Variants in CCSER1 observed in about 807,000 individuals in gnomAD.
CCSER1 encodes the protein coiled-coil serine rich protein 1.
CCSER1 carries 41 observed loss-of-function variants against 82.0 expected under a neutral mutation model. The observed-to-expected ratio is 0.50, with a 90% CI of 0.39 to 0.65. The LOEUF is 0.65. Ranked by LOEUF, CCSER1 falls within the 30% of genes least tolerant of loss-of-function variation. The pLI is 0.00. For synonymous variants in CCSER1, 414 were observed against 383.9 expected (o/e 1.08, Z -0.92); for missense variants, 1,119 against 1,064.2 (o/e 1.05, Z -0.72).
chr4:91,404,019 C>G (rs1433350445), intron 10 of CCSER1, among the ~76,000 whole-genome samples: 1 of 152,154 alleles, frequency 6.6e-6, no homozygotes, highest in Non-Finnish European at 1.5e-5. Flanking sequence ...GTGAATCCAT[C>G]TGGTCCTGGA....
At chr4:91,583,067 T>G (rs1244462772) in intron 10 of CCSER1, among the ~76,000 whole-genome samples, 2 of 151,300 alleles carry the variant, frequency 1.3e-5, no homozygotes, top group Non-Finnish European at 3.0e-5. Flanking sequence ...TAACATACAG[T>G]TGGAGCCACT....
chr4:90,551,808 T>G, intron 5 of CCSER1, among the ~76,000 whole-genome samples: 1 of 151,708 alleles, frequency 6.6e-6, no homozygotes, highest in African/African-American at 2.4e-5. Context: ...TTATTTTCCC[T>G]TTGTCTTAGT....
At chr4:91,223,263 G>C (rs1346940888) in intron 10 of CCSER1, among the ~76,000 whole-genome samples, 4 of 151,876 alleles carry the variant, frequency 2.6e-5, no homozygotes, top group Admixed American at 2.0e-4. Context: ...TATTTGTTTA[G>C]AAATCAAATA....
At chr4:91,262,130 T>C (rs372966124) in intron 10 of CCSER1, among the ~76,000 whole-genome samples, 188 of 152,258 alleles carry the variant, frequency 1.2e-3, no homozygotes, top group African/African-American at 4.3e-3. Context: ...ATACAGTGTG[T>C]GGTGAAGAAC....
At chr4:90,876,146 G>A (rs963026513) in intron 8 of CCSER1, among the ~76,000 whole-genome samples, 1 of 151,840 alleles carries the variant, frequency 6.6e-6, no homozygotes, top group Non-Finnish European at 1.5e-5. Context: ...CTCTCTCCAG[G>A]AAAGTTTTTC....
At chr4:90,581,784 T>G (rs748126650) in intron 5 of CCSER1, among the ~76,000 whole-genome samples, 21 of 152,200 alleles carry the variant, frequency 1.4e-4, no homozygotes, top group Non-Finnish European at 2.4e-4. Flanking sequence ...ATTTTGTTCT[T>G]TGAAAGAGAA....
At chr4:91,140,485 G>A (rs534805784) in intron 10 of CCSER1, among the ~76,000 whole-genome samples, 33 of 151,976 alleles carry the variant, frequency 2.2e-4, no homozygotes, top group African/African-American at 7.7e-4. Context: ...TTGGCTATTA[G>A]AATATATTTA....
At chr4:90,272,837 T>C (rs1169699262) in intron 1 of CCSER1, among the ~76,000 whole-genome samples, 1 of 152,068 alleles carries the variant, frequency 6.6e-6, no homozygotes, top group Non-Finnish European at 1.5e-5. Context: ...ACCTCGTCTC[T>C]ACTAAAAATA....
Position 90,288,682 on chromosome 4 carries a change from T to A in CCSER1, c.-41-19562T>A, listed in dbSNP as rs1730360426. 2.0e-5 allele frequency among the ~76,000 whole-genome samples: 3 copies of A among 151,984 alleles called. No homozygotes were observed. In the South Asian group the frequency reaches 6.2e-4, roughly 31 times the overall value. ...GTGTAAAGGACACCCCTGCCCTACA[T>A]AGGCATGGATACCTTTTAGATAACT... On this transcript the variant is annotated intron_variant, in intron 1 of 10. Transcript: ENST00000509176.
intron 10 of CCSER1, among the ~76,000 whole-genome samples, chr4:91,370,345 T>C (rs1418997347): frequency 6.6e-6 from 1 of 152,116 alleles, no homozygotes; most frequent in African/African-American, 2.4e-5. Context: ...AAAATATAAT[T>C]GAGAAATACA....
chr4:91,567,766 G>A (rs1762961295), intron 10 of CCSER1, among the ~76,000 whole-genome samples: 1 of 151,778 alleles, frequency 6.6e-6, no homozygotes. Flanking sequence ...GTTATTACAT[G>A]TGAGATGGGA....
chr4:91,122,927 C>A (rs1727211574), intron 10 of CCSER1, among the ~76,000 whole-genome samples: 2 of 151,654 alleles, frequency 1.3e-5, no homozygotes, highest in Non-Finnish European at 3.0e-5. Context: ...TGAATCAATT[C>A]TATTGCATTA....
intron 7 of CCSER1, among the ~76,000 whole-genome samples, chr4:90,813,690 T>C (rs1758637045): frequency 6.6e-6 from 1 of 152,226 alleles, no homozygotes; most frequent in African/African-American, 2.4e-5. Context: ...CCTCCTGCCA[T>C]GATTCTGAGG....
At chr4:91,560,906 A>G (rs1226145435) in intron 10 of CCSER1, among the ~76,000 whole-genome samples, 1 of 151,412 alleles carries the variant, frequency 6.6e-6, no homozygotes, top group Non-Finnish European at 1.5e-5. Context: ...AGTAGACATC[A>G]TAGATACAGA....
At chr4:90,323,301 C>A (rs1409251511) in intron 3 of CCSER1, among the ~76,000 whole-genome samples, 1 of 152,192 alleles carries the variant, frequency 6.6e-6, no homozygotes, top group Non-Finnish European at 1.5e-5. Context: ...GCTCCAAGTC[C>A]AGTGCAGAAC....
chr4:91,215,445 G>A (rs987182609), intron 10 of CCSER1, among the ~76,000 whole-genome samples: 1 of 152,144 alleles, frequency 6.6e-6, no homozygotes, highest in African/African-American at 2.4e-5. Flanking sequence ...ACAAGGTGAG[G>A]TCCCACAATA....
Position 91,442,569 on chromosome 4 carries a change from C to T in CCSER1, c.2218-156003C>T, listed in dbSNP as rs529498675. Among the ~76,000 whole-genome samples, 23 of 137,504 alleles carry T rather than the reference C, an allele frequency of 1.7e-4. No individual in the cohort carries two copies. In the East Asian group the frequency reaches 4.9e-3, roughly 29 times the overall value. 90.2% of individuals were successfully genotyped at this position (137,504 alleles called of 152,430 possible). On this transcript the variant is annotated intron_variant, in intron 10 of 10. Transcript: ENST00000509176. ...TTCAGGACATAGGCATGGGCAAGGA[C>T]TTCATGTCTAAAACACCAAAAGCAA...
At chr4:90,357,168 C>A (rs551346608) in intron 3 of CCSER1, among the ~76,000 whole-genome samples, 153 of 151,890 alleles carry the variant, frequency 1.0e-3, no homozygotes, top group African/African-American at 3.6e-3. Context: ...CATAACTGTG[C>A]AAAATATTAC....
chr4:91,042,942 A>G (rs1009618986), intron 9 of CCSER1, among the ~76,000 whole-genome samples: 2 of 152,184 alleles, frequency 1.3e-5, no homozygotes, highest in Non-Finnish European at 2.9e-5. Flanking sequence ...GTTTTGCCCA[A>G]TCATCAGAAA....
Sources: gnomAD v4.1 joint callset for allele counts (sites outside exome capture counted in the v4.1 genomes callset) on GRCh38, gnomAD v4.1.1 for gene constraint, MANE v1.5 for transcripts, NCBI Gene and HGNC (gene_info 2026-07-23, HGNC 2026-07-21) for gene names.